ANKRD28: variants seen among roughly 807,000 people sequenced by gnomAD.
ANKRD28 encodes the protein serine/threonine-protein phosphatase 6 regulatory ankyrin repeat subunit A.
In ANKRD28, 44 loss-of-function variants were observed where a neutral mutation model predicts 126.5. The ratio of observed to expected loss-of-function variants is 0.35; its 90% CI spans 0.27 to 0.45. ANKRD28 has a LOEUF of 0.45. ANKRD28 is among the 20% of genes least tolerant of loss of function. The pLI is 1.00. For synonymous variants in ANKRD28, 442 were observed against 468.5 expected (o/e 0.94, Z 0.73); for missense variants, 1,110 against 1,316.6 (o/e 0.84, Z 2.43).
chr3:15,723,964 G>C (rs543094997), intron 7 of ANKRD28, among the ~76,000 whole-genome samples: 3 of 152,092 alleles, frequency 2.0e-5, no homozygotes, highest in Admixed American at 6.6e-5. Flanking sequence ...AAAACCTCTT[G>C]TTTTCCTGCC....
chr3:15,782,976 C>T (rs565088867), intron 2 of ANKRD28, among the ~76,000 whole-genome samples: 1 of 152,002 alleles, frequency 6.6e-6, no homozygotes, highest in South Asian at 2.1e-4. Flanking sequence ...AAATGTGAAA[C>T]TTAAAACTAT....
chr3:15,678,841 T>C (rs1238678798), intron 23 of ANKRD28, among the ~76,000 whole-genome samples: 1 of 152,244 alleles, frequency 6.6e-6, no homozygotes, highest in East Asian at 1.9e-4. Flanking sequence ...AAACCTTTTA[T>C]AATGTAAAAA....
chr3:15,834,618 C>A (rs746072075), intron 1 of ANKRD28, among the ~76,000 whole-genome samples: 2 of 152,108 alleles, frequency 1.3e-5, no homozygotes, highest in Non-Finnish European at 2.9e-5. Flanking sequence ...TTGTTTACAA[C>A]AGAATCTGGC....
At chr3:15,762,669 A>G (rs1376812213) in intron 3 of ANKRD28, among the ~76,000 whole-genome samples, 3 of 152,196 alleles carry the variant, frequency 2.0e-5, no homozygotes, top group Non-Finnish European at 4.4e-5. Flanking sequence ...TTAAGAAAGC[A>G]TATCTAAAAG....
rs1575830726 is a variant in ANKRD28, at chr3:15,854,830, C to A, written c.27+4547G>T. On this transcript the variant is annotated intron_variant, in intron 1 of 27. Coordinates refer to the ANKRD28 transcript ENST00000399451. This position sits in a 1 kb window ranked among gnomAD's most constrained non-coding sequence, Gnocchi z 4.1. The stretch of plus-strand genomic sequence containing the variant: ...CTTTGGGAGGCCAAGGTGGGTGGAT[C>A]ACAAGGTCACGAGATTGAGACTATC... 6.6e-6 allele frequency among the ~76,000 whole-genome samples: 1 copy of A among 152,112 alleles called. No homozygotes were observed.
chr3:15,802,753 C>T (rs1394458616), upstream of ANKRD28, among the ~76,000 whole-genome samples: 1 of 152,154 alleles, frequency 6.6e-6, no homozygotes, highest in Non-Finnish European at 1.5e-5. Flanking sequence ...TTGGTGGGTA[C>T]TGTTATCAAA....
At chr3:15,719,809 C>T (rs2073499920) in intron 8 of ANKRD28, among the ~76,000 whole-genome samples, 1 of 152,078 alleles carries the variant, frequency 6.6e-6, no homozygotes, top group African/African-American at 2.4e-5. Flanking sequence ...CTCGCCTTGG[C>T]CTCCTAAAGC....
At chr3:15,737,804 T>C (rs890958546) in intron 4 of ANKRD28, among the ~76,000 whole-genome samples, 5 of 151,998 alleles carry the variant, frequency 3.3e-5, no homozygotes, top group South Asian at 2.1e-4. Context: ...ATAGATTTTT[T>C]ACACTGCATA....
chr3:15,859,364 G>A (rs1377297665), intron 1 of ANKRD28: 2 of 1,528,022 alleles, frequency 1.3e-6, no homozygotes, highest in Non-Finnish European at 1.8e-6. Flanking sequence ...CCGCCCTGCA[G>A]CCCCTCACCT....
At chr3:15,710,674 G>C (rs967100927) in intron 12 of ANKRD28, among the ~76,000 whole-genome samples, 2 of 152,176 alleles carry the variant, frequency 1.3e-5, no homozygotes, top group African/African-American at 4.8e-5. Flanking sequence ...GCATGTTCCA[G>C]AGGCCATGAG....
chr3:15,746,684 T>C (rs1211513707), intron 4 of ANKRD28, among the ~76,000 whole-genome samples: 1 of 152,180 alleles, frequency 6.6e-6, no homozygotes, highest in African/African-American at 2.4e-5. Context: ...GTTACGTCCT[T>C]CCCTGGTTTT....
Position 15,667,746 on chromosome 3 carries a change from G to T in ANKRD28, c.*2524C>A, listed in dbSNP as rs552430875. The T allele has an allele frequency of 6.6e-6, 1 of 152,344 alleles. No homozygotes were observed. Among genetic ancestry groups the T allele is most frequent in the African/African-American group, 2.4e-5 (1 of 41,590 alleles). The allele number at this position is 152,344 out of a possible 1,614,324, so 9.4% of individuals were successfully genotyped here. A position where few individuals can be genotyped will look rare whatever the true frequency, so the allele number is the denominator to read the frequency against. On this transcript the variant is annotated 3_prime_UTR_variant, in exon 28 of 28. Coordinates refer to ENST00000683139, the MANE Select transcript of ANKRD28 (RefSeq NM_001349278.2). ...CTCACAGATGGATTACAAAAGTAAT[G>T]AAATAGTTTTCTTAGTGGGGTGGCA...
intron 4 of ANKRD28, among the ~76,000 whole-genome samples, chr3:15,744,654 G>A (rs577085136): frequency 2.6e-5 from 4 of 152,230 alleles, no homozygotes; most frequent in Non-Finnish European, 4.4e-5. Context: ...TGACTGATGC[G>A]TATTTGGGCT....
rs2061264987 is a variant in ANKRD28 at position 15,833,924 on chromosome 3, T to C, written c.27+25453A>G. The stretch of plus-strand genomic sequence containing the variant: ...AATGTCTGTTTGTGTTATTTGCCCA[T>C]TTTTTAATGTTTGTTTTTTTCTTAA... On this transcript the variant is annotated intron_variant, in intron 1 of 27. Coordinates refer to the ANKRD28 transcript ENST00000399451. The surrounding 1 kb of genome is among the most constrained non-coding windows in gnomAD (Gnocchi z 4.4). 1.3e-5 allele frequency among the ~76,000 whole-genome samples: 2 copies of C among 152,142 alleles called. No individual in the cohort carries two copies. The highest frequency in any genetic ancestry group is 2.4e-5 in the African/African-American group (1 of 41,446).
intron 4 of ANKRD28, 67 bp from the exon 5 acceptor site, chr3:15,737,300 G>T: frequency 1.6e-6 from 2 of 1,277,456 alleles, no homozygotes; most frequent in Non-Finnish European, 2.2e-6. Context: ...TCTATATATA[G>T]TGTGCGTGTG....
At chr3:15,710,720 G>A (rs1419348592) in intron 12 of ANKRD28, among the ~76,000 whole-genome samples, 5 of 152,104 alleles carry the variant, frequency 3.3e-5, no homozygotes, top group Non-Finnish European at 7.4e-5. Context: ...TGAACCAACT[G>A]CCTAATTTTT....
chr3:15,771,004 G>T (rs934949586), intron 2 of ANKRD28, among the ~76,000 whole-genome samples: 5 of 152,114 alleles, frequency 3.3e-5, no homozygotes, highest in Admixed American at 3.3e-4. Flanking sequence ...TGCAACAAAA[G>T]GATGAACATT....
At chr3:15,696,285 C>T in intron 14 of ANKRD28, 40 bp from the exon 15 acceptor site, 1 of 1,288,644 alleles carries the variant, frequency 7.8e-7, no homozygotes, top group African/African-American at 1.5e-5. Flanking sequence ...ATCCTAAATC[C>T]TGCATATTAA....
chr3:15,710,379 T>C (rs1417154871), intron 12 of ANKRD28, among the ~76,000 whole-genome samples: 1 of 152,186 alleles, frequency 6.6e-6, no homozygotes, highest in Admixed American at 6.5e-5. Flanking sequence ...CACTCAAGTC[T>C]GTTGTCCCTC....
Sources: allele counts gnomAD v4.1 joint callset (sites outside exome capture counted in the v4.1 genomes callset), GRCh38; gene constraint gnomAD v4.1.1; non-coding constraint Gnocchi (gnomAD v3.1); transcripts MANE v1.5; gene names NCBI Gene and HGNC (gene_info 2026-07-23, HGNC 2026-07-21).